CDK14: variants seen among roughly 807,000 people sequenced by gnomAD.
CDK14 encodes the protein cyclin dependent kinase 14, also known as cyclin-dependent kinase 14.
Under a neutral mutation model 60.7 loss-of-function variants are expected in CDK14, and 34 were observed. The ratio of observed to expected loss-of-function variants is 0.56; its 90% CI spans 0.43 to 0.75. The LOEUF (loss-of-function observed/expected upper bound fraction) is 0.75, where lower values mean the gene tolerates loss of function less well. Among genes scored for constraint, CDK14 ranks in the 30% least tolerant of loss-of-function variants. The probability of loss-of-function intolerance (pLI) is 0.00; values close to 1 mark genes in which losing one functional copy is unlikely to be tolerated. For synonymous variants in CDK14, 197 were observed against 203.7 expected (o/e 0.97, Z 0.28); for missense variants, 482 against 564.1 (o/e 0.85, Z 1.47).
At chr7:91,059,172 A>T (rs898400324) in intron 11 of CDK14, among the ~76,000 whole-genome samples, 1 of 151,966 alleles carries the variant, frequency 6.6e-6, no homozygotes, top group African/African-American at 2.4e-5. Context: ...TTTCTTCTAG[A>T]TTTTCTAATT....
chr7:90,999,360 G>A (rs1304804222), intron 10 of CDK14, among the ~76,000 whole-genome samples: 1 of 151,904 alleles, frequency 6.6e-6, no homozygotes, highest in Non-Finnish European at 1.5e-5. Context: ...AGGTCGAGGT[G>A]GGCAGATCAT....
intron 8 of CDK14, among the ~76,000 whole-genome samples, chr7:90,920,337 G>A (rs183234863): frequency 6.6e-6 from 1 of 152,256 alleles, no homozygotes; most frequent in Admixed American, 6.5e-5. Flanking sequence ...CAAATACAAA[G>A]TATGATTGTA....
intron 10 of CDK14, among the ~76,000 whole-genome samples, chr7:91,032,401 A>G (rs1043956825): frequency 6.6e-6 from 1 of 152,228 alleles, no homozygotes; most frequent in African/African-American, 2.4e-5. Context: ...AAGTCCTTAC[A>G]CCTGGAACCT....
intron 4 of CDK14, among the ~76,000 whole-genome samples, chr7:90,768,004 A>G (rs1446821316): frequency 1.3e-5 from 2 of 152,158 alleles, no homozygotes. Context: ...ATTCATATCT[A>G]CGTAGGTATA....
intron 2 of CDK14, among the ~76,000 whole-genome samples, chr7:90,641,438 T>G (rs965710809): frequency 2.0e-5 from 3 of 152,190 alleles, no homozygotes; most frequent in Non-Finnish European, 2.9e-5. Flanking sequence ...TGTTATTCAT[T>G]AATAGACAGA....
rs940800468 is a variant in CDK14, at chr7:91,118,258, G to C, written c.*28+50G>C. ...AAGTAATATTTAATGGATATTGAAC[G>C]GATTCTTTAAGTGAAATATTTCAGA... is the stretch of plus-strand genomic sequence containing the variant. On this transcript the variant is annotated intron_variant, in intron 14 of 14. Coordinates refer to ENST00000380050, the MANE Select transcript of CDK14 (RefSeq NM_001287135.2). The C allele has an allele frequency of 2.6e-5, 22 of 839,976 alleles. No homozygotes were observed. The Middle Eastern group carries it at 9.0e-4, about 35-fold the overall frequency. 52.0% of individuals were successfully genotyped at this position (839,976 alleles called of 1,614,324 possible).
chr7:91,190,788 C>G (rs1378523354), intron 14 of CDK14, among the ~76,000 whole-genome samples: 2 of 152,178 alleles, frequency 1.3e-5, no homozygotes, highest in African/African-American at 4.8e-5. Context: ...CCCCACCCAG[C>G]CTATTCTTTT....
intron 14 of CDK14, among the ~76,000 whole-genome samples, chr7:91,162,473 G>A (rs1382197576): frequency 6.6e-6 from 1 of 152,154 alleles, no homozygotes; most frequent in Non-Finnish European, 1.5e-5. Flanking sequence ...CAAATGGGAG[G>A]AAGTCACGTT....
intron 11 of CDK14, among the ~76,000 whole-genome samples, chr7:91,054,857 G>A (rs978179916): frequency 1.3e-5 from 2 of 152,168 alleles, no homozygotes; most frequent in African/African-American, 4.8e-5. Flanking sequence ...CAGGGGGGCA[G>A]GTCCTTGGAA....
rs776352347 is a variant in CDK14 at position 90,596,606 on chromosome 7, G to T, written c.-22G>T. 5.6e-6 allele frequency: 9 copies of T among 1,608,000 alleles called. No individual in the cohort carries two copies. In the African/African-American group the frequency reaches 1.2e-4, roughly 21 times the overall value. The stretch of plus-strand genomic sequence containing the variant: ...GTGCCTGGACCAGTTTGGGGAAGTT[G>T]TCGGGGCTCCGCGTCGCCCAGATGT... On this transcript the variant is annotated 5_prime_UTR_variant, in exon 1 of 15. Coordinates refer to ENST00000380050, the MANE Select transcript of CDK14 (RefSeq NM_001287135.2).
intron 10 of CDK14, among the ~76,000 whole-genome samples, chr7:91,028,277 C>G (rs1482091432): frequency 6.6e-6 from 1 of 151,918 alleles, no homozygotes; most frequent in Non-Finnish European, 1.5e-5. Context: ...CACACACAAA[C>G]ACACATACAC....
chr7:90,829,891 CA>C (rs1789859476), intron 5 of CDK14, among the ~76,000 whole-genome samples: 2 of 152,214 alleles, frequency 1.3e-5, no homozygotes, highest in Admixed American at 1.3e-4. Flanking sequence ...ACATCCAGGG[CA>C]CTCTCATGCA....
At chr7:91,000,492 G>GA (rs1795807489) in intron 10 of CDK14, among the ~76,000 whole-genome samples, 2 of 152,156 alleles carry the variant, frequency 1.3e-5, no homozygotes, top group Admixed American at 6.5e-5. Context: ...ATAACATTGG[G>GA]ATAGGATTCA....
At chr7:90,749,147 TA>T (rs36081296) in intron 4 of CDK14, among the ~76,000 whole-genome samples, 1 of 152,024 alleles carries the variant, frequency 6.6e-6, no homozygotes, top group African/African-American at 2.4e-5. Context: ...TTGAGAGTTG[TA>T]AAAAAAAGTT....
At chr7:90,649,355 TC>T (rs774454557) in intron 2 of CDK14, among the ~76,000 whole-genome samples, 12 of 51,732 alleles carry the variant, frequency 2.3e-4, no homozygotes, top group African/African-American at 7.3e-4. Context: ...CTTCCTTCCT[TC>T]CTTCCTTCCT....
intron 5 of CDK14, among the ~76,000 whole-genome samples, chr7:90,795,705 A>C (rs1788396484): frequency 1.3e-5 from 2 of 152,144 alleles, no homozygotes; most frequent in Admixed American, 1.3e-4. Context: ...GTAGACCCTG[A>C]ATATGAGAGA....
intron 14 of CDK14, among the ~76,000 whole-genome samples, chr7:91,169,048 T>G (rs1301426900): frequency 6.6e-6 from 1 of 152,212 alleles, no homozygotes; most frequent in African/African-American, 2.4e-5. Flanking sequence ...GCTCCTACTC[T>G]TCGTTCATCT....
At chr7:90,814,511 G>T (rs889087670) in intron 5 of CDK14, among the ~76,000 whole-genome samples, 122 of 152,178 alleles carry the variant, frequency 8.0e-4, no homozygotes, top group African/African-American at 2.8e-3. Context: ...GGCCGGGCGT[G>T]GTGGCTCAAT....
intron 11 of CDK14, among the ~76,000 whole-genome samples, chr7:91,068,889 G>T (rs570841297): frequency 6.9e-6 from 1 of 145,132 alleles, no homozygotes; most frequent in South Asian, 2.2e-4. Flanking sequence ...CTCTGTCTCA[G>T]CCTCCACCTC....
Sources: allele counts gnomAD v4.1 joint callset (sites outside exome capture counted in the v4.1 genomes callset), GRCh38; gene constraint gnomAD v4.1.1; transcripts MANE v1.5; gene names NCBI Gene and HGNC (gene_info 2026-07-23, HGNC 2026-07-21).